FAM107A: variants seen among roughly 807,000 people sequenced by gnomAD.
FAM107A encodes family with sequence similarity 107 member A, also known as actin-associated protein FAM107A.
A neutral mutation model predicts 13.7 loss-of-function variants in FAM107A; 19 were observed. The observed-to-expected ratio is 1.38, with a 90% confidence interval of 0.97 to 2.03. The LOEUF is 2.03. FAM107A is among the 30% of genes most tolerant of loss of function. The probability of loss-of-function intolerance (pLI) is 0.00; values close to 1 mark genes in which losing one functional copy is unlikely to be tolerated. For synonymous variants in FAM107A, 82 were observed against 74.5 expected, an observed-to-expected ratio of 1.10 and a Z score of -0.52; for missense variants, 203 against 184.4, an observed-to-expected ratio of 1.10 and a Z score of -0.58.
At chr3:58,596,402 G>A (rs2108068135) in intron 1 of FAM107A, among the ~76,000 whole-genome samples, 1 of 152,308 alleles carries the variant, frequency 6.6e-6, no homozygotes, top group East Asian at 1.9e-4. Context: ...TGTAGGCTGG[G>A]TGCGGTGGCT....
intron 1 of FAM107A, chr3:58,572,897 G>A (rs1012758414): frequency 1.3e-5 from 2 of 152,206 alleles, no homozygotes; most frequent in Admixed American, 6.5e-5. Context: ...TTGACCTTCT[G>A]TTGTTGTTGT....
At chr3:58,585,618 A>G (rs2065597733) in intron 1 of FAM107A, among the ~76,000 whole-genome samples, 1 of 152,218 alleles carries the variant, frequency 6.6e-6, no homozygotes, top group Non-Finnish European at 1.5e-5. Context: ...AGGCAGGCCT[A>G]CGGGTGGGGC....
Position 58,566,346 on chromosome 3 carries a change from G to C in FAM107A, c.*242C>G. 1 of 492,202 alleles carries C rather than the reference G, an allele frequency of 2.0e-6. No individual in the cohort carries two copies. Among genetic ancestry groups the C allele is most frequent in the Admixed American group, 3.6e-5 (1 of 28,012 alleles). 30.5% of individuals were successfully genotyped at this position (492,202 alleles called of 1,614,324 possible). ...GTGCTGGGCTCTGAACCCCTTGCAG[G>C]GAGGGGTGCAGGTTATCCCTCTTGG... On this transcript the variant is annotated 3_prime_UTR_variant, in exon 4 of 4. Transcript: ENST00000360997.
intron 1 of FAM107A, among the ~76,000 whole-genome samples, chr3:58,595,749 C>T (rs2065702332): frequency 1.3e-5 from 2 of 152,202 alleles, no homozygotes; most frequent in Non-Finnish European, 2.9e-5. Context: ...TGCCAACCCC[C>T]TTCCATGCAA....
chr3:58,591,279 G>A (rs560635942), upstream of FAM107A, among the ~76,000 whole-genome samples: 1 of 152,294 alleles, frequency 6.6e-6, no homozygotes, highest in South Asian at 2.1e-4. This position sits in a 1 kb window ranked among gnomAD's most constrained non-coding sequence, Gnocchi z 4.3. Context: ...GCTCAGTTCA[G>A]ACAGGTCTCA....
intron 1 of FAM107A, among the ~76,000 whole-genome samples, chr3:58,596,970 C>G (rs900502194): frequency 3.9e-5 from 6 of 152,138 alleles, no homozygotes; most frequent in South Asian, 2.1e-4. Flanking sequence ...TTTGGCCTGG[C>G]TTTTTTACTC....
rs367639961 is a variant in FAM107A at position 58,597,950 on chromosome 3, G to T, written c.-69-8681C>A. 1.4e-4 allele frequency among the ~76,000 whole-genome samples: 22 copies of T among 152,302 alleles called. No homozygotes were observed. In the East Asian group the frequency reaches 4.0e-3, roughly 28 times the overall value. On this transcript the variant is annotated intron_variant, in intron 1 of 3. Coordinates refer to the FAM107A transcript ENST00000465970. ...AGCCTGCACCCATTTTACAGAGGAG[G>T]AAACTGAGGCTCAGTGAGGTTAAGG... is the stretch of plus-strand genomic sequence containing the variant.
intron 1 of FAM107A, among the ~76,000 whole-genome samples, chr3:58,598,251 T>C (rs1442405627): frequency 6.6e-6 from 1 of 152,228 alleles, no homozygotes; most frequent in Non-Finnish European, 1.5e-5. Context: ...TTTAAAGTGC[T>C]GGGCTCTGTT....
chr3:58,569,993 G>T lies in FAM107A; in HGVS notation c.-5-128C>A. The T allele has an allele frequency of 3.5e-6, 3 of 857,966 alleles. No individual in the cohort carries two copies. The highest frequency in any genetic ancestry group is 3.5e-6 in the Non-Finnish European group (2 of 573,284). The allele number at this position is 857,966 out of a possible 1,614,324, so 53.1% of individuals were successfully genotyped here. A position where few individuals can be genotyped will look rare whatever the true frequency, so the allele number is the denominator to read the frequency against. On this transcript the variant is annotated intron_variant, in intron 1 of 3. Coordinates refer to ENST00000360997, the MANE Select transcript of FAM107A (RefSeq NM_001076778.3). This position sits in a 1 kb window ranked among gnomAD's most constrained non-coding sequence, Gnocchi z 5.7. Reference sequence around the variant, plus strand: ...GGCCACCTGCTACTGCGCATACCTGGGCAAGCTACCTGACTTTCTGAGCCT... The same window carrying T: ...GGCCACCTGCTACTGCGCATACCTGTGCAAGCTACCTGACTTTCTGAGCCT...
chr3:58,578,478 GA>G (rs35964855), upstream of FAM107A, among the ~76,000 whole-genome samples: 15,819 of 152,176 alleles, frequency 0.1, 1,168 homozygotes, highest in Non-Finnish European at 0.15. Flanking sequence ...TGAGGCAGGA[GA>G]ATTGCTTGAA....
upstream of FAM107A, among the ~76,000 whole-genome samples, chr3:58,582,663 C>T (rs1559479567): frequency 6.6e-6 from 1 of 152,218 alleles, no homozygotes; most frequent in Non-Finnish European, 1.5e-5. Flanking sequence ...TTTCCTCCTC[C>T]CTAAAATGGG....
upstream of FAM107A, among the ~76,000 whole-genome samples, chr3:58,587,446 C>A (rs2065619788): frequency 6.6e-6 from 1 of 151,578 alleles, no homozygotes; most frequent in Non-Finnish European, 1.5e-5. Flanking sequence ...GTACTTTCCT[C>A]ACATGGTTGT....
intron 1 of FAM107A, among the ~76,000 whole-genome samples, chr3:58,574,848 C>T (rs2063717459): frequency 6.6e-6 from 1 of 152,216 alleles, no homozygotes; most frequent in South Asian, 2.1e-4. Flanking sequence ...GTTGGCCCCA[C>T]ACCAGGCAAG....
chr3:58,590,236 G>A (rs910366744), upstream of FAM107A, among the ~76,000 whole-genome samples: 9 of 152,180 alleles, frequency 5.9e-5, no homozygotes, highest in African/African-American at 2.2e-4. Context: ...TGCCTCCCCT[G>A]TCTCCCAGAT....
At chr3:58,579,962 A>G (rs1035099169), upstream of FAM107A, among the ~76,000 whole-genome samples, 46 of 152,190 alleles carry the variant, frequency 3.0e-4, no homozygotes, top group African/African-American at 1.1e-3. Flanking sequence ...GAGGGGCTCA[A>G]TAACTATTGT....
At chr3:58,577,815 G>A (rs2063743285), upstream of FAM107A, 1 of 704,136 alleles carries the variant, frequency 1.4e-6, no homozygotes, top group Non-Finnish European at 1.7e-6. The surrounding 1 kb of genome is among the most constrained non-coding windows in gnomAD (Gnocchi z 4.9). Context: ...AGGGTGGGGT[G>A]TAAAGGGAGG....
intron 1 of FAM107A, among the ~76,000 whole-genome samples, chr3:58,596,471 A>T (rs1422542330): frequency 6.6e-6 from 1 of 152,228 alleles, no homozygotes. Flanking sequence ...TGAGCTCAGG[A>T]GTTCGAGACC....
intron 1 of FAM107A, among the ~76,000 whole-genome samples, chr3:58,603,101 T>G (rs1001308090): frequency 6.6e-6 from 1 of 152,234 alleles, no homozygotes; most frequent in Admixed American, 6.5e-5. Context: ...GTTTTATAAT[T>G]AGAGAAATGC....
intron 1 of FAM107A, among the ~76,000 whole-genome samples, chr3:58,583,439 A>C (rs185934167): frequency 6.6e-6 from 1 of 152,092 alleles, no homozygotes; most frequent in South Asian, 2.1e-4. Context: ...CCTGACCAAC[A>C]TGGTGAAACC....
Sources: allele counts gnomAD v4.1 joint callset (sites outside exome capture counted in the v4.1 genomes callset), GRCh38; gene constraint gnomAD v4.1.1; non-coding constraint Gnocchi (gnomAD v3.1); transcripts MANE v1.5; gene names NCBI Gene and HGNC (gene_info 2026-07-23, HGNC 2026-07-21).